The following PBDC1 variants were observed in gnomAD, a reference collection of about 807,000 sequenced individuals.
PBDC1 encodes polysaccharide biosynthesis domain containing 1, also known as protein PBDC1.
In PBDC1, 3 loss-of-function variants were observed where a neutral mutation model predicts 12.0. The observed-to-expected ratio is 0.25, with a 90% CI of 0.11 to 0.64. PBDC1 has a LOEUF of 0.64. Among genes scored for constraint, PBDC1 ranks in the 30% least tolerant of loss-of-function variants. The probability of loss-of-function intolerance (pLI) is 0.84; values close to 1 mark genes in which losing one functional copy is unlikely to be tolerated. For missense variants in PBDC1, 162 were observed against 168.1 expected (o/e 0.96, Z 0.20); for synonymous variants, 64 against 56.4 (o/e 1.13, Z -0.60).
At chrX:76,173,221 CTT>C (rs1265668413) in intron 1 of PBDC1, 53 bp downstream of exon 1, 4 of 959,829 alleles carry the variant, frequency 4.2e-6, no homozygotes, top group African/African-American at 2.1e-5. Context: ...CAGGTGGAGC[CTT>C]TTTTTTTTCT....
chrX:76,173,596 G>C lies in PBDC1; in HGVS notation c.42G>C (p.Glu14Asp). ...TSGTDEPVSG[E>D]LVSVAHALSL... ...TTCCTCCTTTCTAGGTTTCCGGGGAGTTGGTGTCTGTGGCACATGCGCTTT... is the reference window on the plus strand; with the variant it reads ...TTCCTCCTTTCTAGGTTTCCGGGGACTTGGTGTCTGTGGCACATGCGCTTT... Residue 14 changes from glutamate (E) to aspartate (D), a missense_variant, in exon 2 of 6, where the codon GAG becomes GAC. By Grantham distance (45) the Glu-to-Asp change is conservative. This residue lies in a region of PBDC1 where 41 missense variants were observed against 28.5 expected (regional missense o/e 1.44). Coordinates refer to ENST00000373358, the MANE Select transcript of PBDC1 (RefSeq NM_016500.5). 5.8e-6 allele frequency: 7 copies of C among 1,196,722 alleles called. No individual in the cohort carries two copies. Among genetic ancestry groups the C allele is most frequent in the Non-Finnish European group, 7.9e-6 (7 of 887,820 alleles).
rs782553527 is a variant in PBDC1 at position 76,175,571 on chromosome X, T to G, written c.255T>G (p.Asp85Glu). The G allele has an allele frequency of 6.7e-5, 81 of 1,205,925 alleles. No homozygotes were observed. Among genetic ancestry groups the G allele is most frequent in the Non-Finnish European group, 8.3e-5 (74 of 892,480 alleles). The change falls in exon 4 of 6, where the codon GAT (aspartate) becomes GAG (glutamate). Residue 85 changes from aspartate to glutamate, a missense_variant. Asp to Glu is a conservative substitution (Grantham distance 45). This residue lies in a region of PBDC1 where 21 missense variants were observed against 43.4 expected (regional missense o/e 0.48). Coordinates refer to ENST00000373358, the MANE Select transcript of PBDC1 (RefSeq NM_016500.5). ...AAAATTTTGAGACCCTTAGGATAGA[T>G]GTGTTGGACCCAGAAGAACTCAAGT... ...FRKNFETLRI[D>E]VLDPEELKSE...
rs1262316377 is a variant in PBDC1 at position 76,177,690 on chromosome X, G to A, written c.484G>A (p.Val162Ile). 1.7e-6 allele frequency: 2 copies of A among 1,205,092 alleles called. No individual in the cohort carries two copies. The highest frequency in any genetic ancestry group is 1.1e-6 in the Non-Finnish European group (1 of 893,332). The part of the protein sequence containing the change: ...EGYNKAVYIS[V>I]QDKEGEKGVN... ...CTATAACAAAGCTGTTTATATCAGT[G>A]TTCAGGACAAAGAAGGAGAGAAAGG... The change falls in exon 6 of 6, where the codon GTT becomes ATT. Residue 162 changes from valine (V) to isoleucine (I), a missense_variant. Around this residue, in one of 3 missense-constraint regions of PBDC1, gnomAD observed 100 missense variants for 96.2 expected, o/e 1.04. Transcript: ENST00000373358.
rs782546549 is a variant in PBDC1 at position 76,173,622 on chromosome X, C to T, written c.68C>T (p.Ser23Phe). ...TTGGTGTCTGTGGCACATGCGCTTT[C>T]TCTCCCAGCAGAGTCGTATGGCAAC... ...GELVSVAHAL[S>F]LPAESYGNDP... Residue 23 changes from serine (S) to phenylalanine (F), a missense_variant, in exon 2 of 6, where the codon TCT becomes TTT. Ser to Phe is a radical substitution (Grantham distance 155). Coordinates refer to ENST00000373358, the MANE Select transcript of PBDC1 (RefSeq NM_016500.5). The T allele has an allele frequency of 4.2e-6, 5 of 1,195,671 alleles. No homozygotes were observed. Among genetic ancestry groups the T allele is most frequent in the Non-Finnish European group, 5.6e-6 (5 of 888,015 alleles).
Position 76,178,140 on chromosome X carries a change from C to A in PBDC1, c.*232C>A. On this transcript the variant is annotated 3_prime_UTR_variant, in exon 6 of 6. Coordinates refer to ENST00000373358, the MANE Select transcript of PBDC1 (RefSeq NM_016500.5). The stretch of plus-strand genomic sequence containing the variant: ...GTTGATTTTTCCTGGTATACTGTTT[C>A]TTGGCTGACACTACTGGTCAAGTAA... The A allele has an allele frequency of 2.2e-6, 1 of 445,277 alleles. No individual in the cohort carries two copies. The highest frequency in any genetic ancestry group is 3.6e-6 in the Non-Finnish European group (1 of 275,241). 36.7% of individuals were successfully genotyped at this position (445,277 alleles called of 1,213,427 possible).
intron 5 of PBDC1, 37 bp downstream of exon 5, chrX:76,177,029 G>C (rs782443980): frequency 2.1e-6 from 2 of 939,198 alleles, no homozygotes; most frequent in East Asian, 6.2e-5. Flanking sequence ...TCTGTGTAAG[G>C]AGACTGAACA....
chrX:76,177,317 C>T (rs1924817499), intron 5 of PBDC1, among the ~76,000 whole-genome samples: 1 of 110,942 alleles, frequency 9.0e-6, no homozygotes, highest in African/African-American at 3.3e-5. Flanking sequence ...GGGAGGCTGA[C>T]ATGGGAGGAT....
chrX:76,175,381 G>A, intron 3 of PBDC1, 92 bp from the exon 4 acceptor site: 1 of 862,157 alleles, frequency 1.2e-6, no homozygotes, highest in Non-Finnish European at 1.7e-6. Flanking sequence ...CTTCTGCCCT[G>A]AGAACCATAA....
At position 76,178,172 on chromosome X, in the gene PBDC1, T is replaced by C. The variant is rs781974095; in HGVS notation, c.*264T>C. 2.2e-5 allele frequency: 8 copies of C among 368,531 alleles called. No homozygotes were observed. The South Asian group carries it at 8.2e-4, about 38-fold the overall frequency. The allele number at this position is 368,531 out of a possible 1,213,427, so 30.4% of individuals were successfully genotyped here. ...GACACTACTGGTCAAGTAAGAAATT[T>C]GTAAATAAATTTCTTTTGGTTCTTA... On this transcript the variant is annotated 3_prime_UTR_variant, in exon 6 of 6. Transcript: ENST00000373358.
intron 4 of PBDC1, among the ~76,000 whole-genome samples, chrX:76,176,402 G>T (rs981898806): frequency 9.0e-6 from 1 of 111,191 alleles, no homozygotes; most frequent in East Asian, 2.8e-4. Flanking sequence ...CGATCCGCCC[G>T]CCTCGGTCTT....
rs782614821 is a variant in PBDC1, at chrX:76,178,012, A to T, written c.*104A>T. On this transcript the variant is annotated 3_prime_UTR_variant, in exon 6 of 6. Transcript: ENST00000373358. ...TTTGGTTAAATGTAAATTCTTGTAC[A>T]ATTGAAGGATACGCAGAAGGACATC... 3.3e-5 allele frequency: 38 copies of T among 1,162,960 alleles called. No homozygotes were observed. Among genetic ancestry groups the T allele is most frequent in the Non-Finnish European group, 4.2e-5 (37 of 873,155 alleles).
In PBDC1 at chrX:76,177,904, T is replaced by G; in HGVS notation, c.698T>G (p.Met233Arg). Reference sequence around the variant, plus strand: ...ATCAACAAAAGTGGTGAAAAAGCTATGTAAGGTATACAGGGAACAGCACTC... The same window carrying G: ...ATCAACAAAAGTGGTGAAAAAGCTAGGTAAGGTATACAGGGAACAGCACTC... ...KEINKSGEKA[M>R] The change falls in exon 6 of 6, where the codon ATG becomes AGG. Residue 233 changes from methionine (M) to arginine (R), a missense_variant. Physicochemically the swap from Met to Arg is moderately conservative, Grantham distance 91. Transcript: ENST00000373358. 8.3e-7 allele frequency: 1 copy of G among 1,211,011 alleles called. No homozygotes were observed. Among genetic ancestry groups the G allele is most frequent in the Non-Finnish European group, 1.1e-6 (1 of 895,004 alleles).
chrX:76,176,144 G>T (rs1602144867), intron 4 of PBDC1, among the ~76,000 whole-genome samples: 1 of 76,048 alleles, frequency 1.3e-5, no homozygotes, highest in Non-Finnish European at 2.6e-5. Context: ...GTTTTGTTTT[G>T]TTTTTTGTTT....
chrX:76,176,505 G>C (rs1924796700), intron 4 of PBDC1, among the ~76,000 whole-genome samples: 1 of 111,791 alleles, frequency 8.9e-6, no homozygotes, highest in African/African-American at 3.3e-5. Context: ...CTTTGTCTTT[G>C]GAAAACTGTC....
In PBDC1 at chrX:76,176,099, C is replaced by T. The variant is rs782519988; in HGVS notation, c.297+486C>T. 4.5e-5 allele frequency among the ~76,000 whole-genome samples: 5 copies of T among 110,188 alleles called. No homozygotes were observed. In the South Asian group the frequency reaches 1.9e-3, roughly 43 times the overall value. On this transcript the variant is annotated intron_variant, in intron 4 of 5. Transcript: ENST00000373358. ...GTTTTCCTTGAGAGTAAACCCTTGG[C>T]TAATGAAGAATCTAAAGTTTTTGTT...
Position 76,173,106 on chromosome X carries a change from T to G in PBDC1, c.-33T>G. On this transcript the variant is annotated 5_prime_UTR_variant, in exon 1 of 6. Coordinates refer to ENST00000373358, the MANE Select transcript of PBDC1 (RefSeq NM_016500.5). Reference sequence around the variant, plus strand: ...GATCCGGCTCAGCTTTCCAATCAGCTGCGGAAGGAGCCACGCTTTCGGGGG... The same window carrying G: ...GATCCGGCTCAGCTTTCCAATCAGCGGCGGAAGGAGCCACGCTTTCGGGGG... 1 of 1,170,614 alleles carries G rather than the reference T, an allele frequency of 8.5e-7. No homozygotes were observed. Among genetic ancestry groups the G allele is most frequent in the Non-Finnish European group, 1.1e-6 (1 of 873,282 alleles).
intron 4 of PBDC1, 54 bp downstream of exon 4, chrX:76,175,667 T>A: frequency 9.2e-6 from 9 of 974,648 alleles, no homozygotes; most frequent in Non-Finnish European, 1.2e-5. Flanking sequence ...AATTTTTGAT[T>A]GCGAATGTTT....
chrX:76,174,665 G>C (rs1452973003), intron 2 of PBDC1, among the ~76,000 whole-genome samples: 5 of 112,083 alleles, frequency 4.5e-5, no homozygotes, highest in Non-Finnish European at 9.4e-5. Context: ...AAAGATAGCC[G>C]GTGGCTCATT....
chrX:76,175,419 A>G, intron 3 of PBDC1, 54 bp from the exon 4 acceptor site: 1 of 1,129,640 alleles, frequency 8.9e-7, no homozygotes, highest in Non-Finnish European at 1.2e-6. Context: ...TGGGGAAGAT[A>G]GAAGTATAGT....
Sources: gnomAD v4.1 joint callset for allele counts (sites outside exome capture counted in the v4.1 genomes callset) on GRCh38, gnomAD v4.1.1 for gene constraint, gnomAD v4.1.1 regional missense constraint, MANE v1.5 for transcripts, NCBI Gene and HGNC (gene_info 2026-07-23, HGNC 2026-07-21) for gene names.